EPHA6: variants seen among roughly 807,000 people sequenced by gnomAD.
EPHA6 encodes EPH receptor A6.
EPHA6 carries 50 observed loss-of-function variants against 112.0 expected under a neutral mutation model. That is an observed-to-expected ratio of 0.45 (90% CI 0.36 to 0.56). EPHA6 has a LOEUF of 0.56. Ranked by LOEUF, EPHA6 falls within the 20% of genes least tolerant of loss-of-function variation. EPHA6 has a pLI of 0.00. For missense variants in EPHA6, 1,280 were observed against 1,417.4 expected (o/e 0.90, Z 1.56); for synonymous variants, 529 against 490.7 (o/e 1.08, Z -1.03).
At chr3:97,097,513 A>G (rs999290302) in intron 3 of EPHA6, among the ~76,000 whole-genome samples, 3 of 151,880 alleles carry the variant, frequency 2.0e-5, no homozygotes, top group Non-Finnish European at 4.4e-5. Flanking sequence ...GTTGTAGCTG[A>G]ATGACCCTTT....
At chr3:97,219,246 C>T (rs1391162757) in intron 3 of EPHA6, among the ~76,000 whole-genome samples, 1 of 152,148 alleles carries the variant, frequency 6.6e-6, no homozygotes, top group Admixed American at 6.5e-5. Flanking sequence ...CATAGCACCA[C>T]TAGGCAGTAC....
intron 2 of EPHA6, among the ~76,000 whole-genome samples, chr3:96,898,462 G>A (rs1408357748): frequency 6.6e-6 from 1 of 152,080 alleles, no homozygotes; most frequent in African/African-American, 2.4e-5. Flanking sequence ...GCTACCACTT[G>A]TCTGACCTGG....
chr3:97,254,066 A>T (rs938104237), intron 5 of EPHA6, among the ~76,000 whole-genome samples: 1 of 152,084 alleles, frequency 6.6e-6, no homozygotes, highest in Non-Finnish European at 1.5e-5. Flanking sequence ...AATATTTAAA[A>T]TATTATCTGC....
intron 3 of EPHA6, among the ~76,000 whole-genome samples, chr3:97,211,056 A>G (rs1039474131): frequency 1.8e-4 from 28 of 152,206 alleles, no homozygotes; most frequent in Non-Finnish European, 4.4e-5. Flanking sequence ...CGAAAGCTCT[A>G]TTACCTTTTA....
chr3:97,328,078 T>TATATATATATATATATATAA (rs1309698190), intron 5 of EPHA6, among the ~76,000 whole-genome samples: 5 of 138,420 alleles, frequency 3.6e-5, no homozygotes, highest in African/African-American at 1.5e-4. Context: ...TATATATATA[T>TATATATATATATATATATAA]AACCTGTTTT....
At chr3:96,994,724 T>TAG (rs1287402601) in intron 3 of EPHA6, among the ~76,000 whole-genome samples, 3 of 78,782 alleles carry the variant, frequency 3.8e-5, no homozygotes, top group Non-Finnish European at 7.2e-5. Context: ...TATATATATA[T>TAG]ATATATATAG....
At chr3:97,666,176 C>G (rs995342264) in intron 14 of EPHA6, among the ~76,000 whole-genome samples, 1 of 152,008 alleles carries the variant, frequency 6.6e-6, no homozygotes, top group African/African-American at 2.4e-5. Context: ...ATTCTGTTTC[C>G]AGCCTCCTGA....
At chr3:97,662,033 A>G (rs2094173029) in intron 14 of EPHA6, among the ~76,000 whole-genome samples, 1 of 152,148 alleles carries the variant, frequency 6.6e-6, no homozygotes, top group Non-Finnish European at 1.5e-5. Context: ...TTTGGCCACC[A>G]ACTATCTGAT....
chr3:97,076,382 C>T (rs899705634), intron 3 of EPHA6, among the ~76,000 whole-genome samples: 3 of 152,128 alleles, frequency 2.0e-5, no homozygotes, highest in African/African-American at 7.2e-5. Flanking sequence ...AAACCTAATT[C>T]AGAGAAAGAC....
chr3:97,506,034 G>GT (rs2092243761), intron 10 of EPHA6, among the ~76,000 whole-genome samples: 1 of 151,996 alleles, frequency 6.6e-6, no homozygotes, highest in Admixed American at 6.6e-5. Flanking sequence ...TGATGGGGTT[G>GT]TTTTTTTCTC....
At chr3:97,163,480 T>C (rs2076464395) in intron 3 of EPHA6, among the ~76,000 whole-genome samples, 1 of 152,196 alleles carries the variant, frequency 6.6e-6, no homozygotes, top group Non-Finnish European at 1.5e-5. Context: ...CACACATGTT[T>C]CCAGGATTTC....
chr3:96,996,153 C>T (rs919930447), intron 3 of EPHA6, among the ~76,000 whole-genome samples: 2 of 152,256 alleles, frequency 1.3e-5, no homozygotes, highest in Admixed American at 6.5e-5. Context: ...TTTCTTTGCT[C>T]ATCCATGAAG....
intron 2 of EPHA6, among the ~76,000 whole-genome samples, chr3:96,876,317 A>G (rs974995644): frequency 2.6e-5 from 4 of 151,726 alleles, no homozygotes; most frequent in Admixed American, 6.6e-5. Flanking sequence ...ACCAAATCCT[A>G]TTGATTCAAC....
At chr3:97,172,931 G>A (rs2076738843) in intron 3 of EPHA6, among the ~76,000 whole-genome samples, 1 of 151,822 alleles carries the variant, frequency 6.6e-6, no homozygotes, top group South Asian at 2.1e-4. Flanking sequence ...CTTTGACCAG[G>A]GGTTACTGAT....
At chr3:97,190,732 G>A (rs981394150) in intron 3 of EPHA6, among the ~76,000 whole-genome samples, 2 of 151,842 alleles carry the variant, frequency 1.3e-5, no homozygotes, top group South Asian at 2.1e-4. Flanking sequence ...GGAGGGGAGC[G>A]GGGAGGGATA....
intron 3 of EPHA6, among the ~76,000 whole-genome samples, chr3:97,030,979 G>T (rs1038223238): frequency 5.9e-5 from 9 of 151,984 alleles, no homozygotes; most frequent in Non-Finnish European, 1.3e-4. Context: ...AATACCGATT[G>T]ATCATAATTA....
intron 14 of EPHA6, among the ~76,000 whole-genome samples, chr3:97,691,139 T>C (rs2107707941): frequency 6.6e-6 from 1 of 152,336 alleles, no homozygotes; most frequent in Middle Eastern, 3.4e-3. Context: ...AGGAGTCTAA[T>C]TTTCTTCTAT....
chr3:97,709,903 C>T (rs2033878263), intron 14 of EPHA6, among the ~76,000 whole-genome samples: 1 of 152,162 alleles, frequency 6.6e-6, no homozygotes, highest in Non-Finnish European at 1.5e-5. Flanking sequence ...TGTTAAGTTT[C>T]CTGAGGCCTT....
intron 3 of EPHA6, among the ~76,000 whole-genome samples, chr3:97,092,276 C>G (rs947523657): frequency 1.3e-5 from 2 of 151,850 alleles, no homozygotes; most frequent in Non-Finnish European, 2.9e-5. Context: ...TGTCATTGTG[C>G]TGAGCAATGG....
Sources: allele counts gnomAD v4.1 joint callset (sites outside exome capture counted in the v4.1 genomes callset), GRCh38; gene constraint gnomAD v4.1.1; transcripts MANE v1.5; gene names NCBI Gene and HGNC (gene_info 2026-07-23, HGNC 2026-07-21).